The following RTN4IP1 variants were observed in gnomAD, a reference collection of about 807,000 sequenced individuals.
RTN4IP1 encodes the protein NAD(P)H oxidoreductase RTN4IP1, mitochondrial.
In RTN4IP1, 32 loss-of-function variants were observed where a neutral mutation model predicts 46.6. The ratio of observed to expected loss-of-function variants is 0.69; its 90% CI spans 0.52 to 0.92. The LOEUF is 0.92. Ranked by LOEUF, RTN4IP1 falls within the 40% of genes least tolerant of loss-of-function variation. The pLI is 0.00. For missense variants in RTN4IP1, 424 were observed against 485.8 expected, an observed-to-expected ratio of 0.87 and a Z score of 1.20; for synonymous variants, 167 against 161.8, an observed-to-expected ratio of 1.03 and a Z score of -0.24.
At chr6:106,625,661 CTTTTTTTTT>C (rs773454257) in intron 1 of RTN4IP1, among the ~76,000 whole-genome samples, 136 of 112,806 alleles carry the variant, frequency 1.2e-3, no homozygotes, top group African/African-American at 4.2e-3. Context: ...TCTTTTTTTT[CTTTTTTTTT>C]TTTTTTTTTT....
At chr6:106,600,901 T>A (rs531355459) in intron 5 of RTN4IP1, among the ~76,000 whole-genome samples, 1 of 152,268 alleles carries the variant, frequency 6.6e-6, no homozygotes, top group Admixed American at 6.5e-5. Context: ...TATTCATGAA[T>A]AAGATTAGGC....
intron 8 of RTN4IP1, among the ~76,000 whole-genome samples, chr6:106,574,171 G>A (rs1419838230): frequency 6.6e-6 from 1 of 152,146 alleles, no homozygotes; most frequent in African/African-American, 2.4e-5. Flanking sequence ...TCGGCCCAGT[G>A]CAGTGGCTCA....
At chr6:106,572,133 T>TA in intron 8 of RTN4IP1, 30 bp from the exon 9 acceptor site, 1 of 1,520,534 alleles carries the variant, frequency 6.6e-7, no homozygotes, top group Non-Finnish European at 9.1e-7. Flanking sequence ...GACCGGTGGA[T>TA]AAAAAAGCCT....
intron 4 of RTN4IP1, among the ~76,000 whole-genome samples, chr6:106,609,120 C>T (rs926073264): frequency 6.6e-6 from 1 of 152,198 alleles, no homozygotes; most frequent in Non-Finnish European, 1.5e-5. Context: ...CTTAACATAG[C>T]CTGGAACCTG....
chr6:106,621,363 TCA>T (rs1466210682), intron 3 of RTN4IP1, 60 bp downstream of exon 3: 1 of 1,215,718 alleles, frequency 8.2e-7, no homozygotes, highest in Non-Finnish European at 1.2e-6. Flanking sequence ...ACCAGTTATT[TCA>T]GATATTTGCC....
At chr6:106,622,786 C>A in intron 2 of RTN4IP1, 32 bp downstream of exon 2, 3 of 1,591,374 alleles carry the variant, frequency 1.9e-6, no homozygotes, top group African/African-American at 1.3e-5. Context: ...TGGGTTGGAT[C>A]CCCGCAGGAA....
At position 106,581,155 on chromosome 6, in the gene RTN4IP1, A is replaced by G. The variant is rs769074042; in HGVS notation, c.1083+2173T>C. On this transcript the variant is annotated intron_variant, in intron 8 of 8. Transcript: ENST00000369063. ...CAAGCAGAATCTCAGTGACTGAGAT[A>G]TAGCAGTCAAAAGAAGACTTCTTGA... Among the ~76,000 whole-genome samples the G allele has an allele frequency of 4.0e-4, 61 of 152,358 alleles. 1 individual carries two copies. The highest frequency in any genetic ancestry group is 1.5e-4 in the Non-Finnish European group (10 of 68,038).
At chr6:106,622,425 A>G (rs1370711724) in intron 2 of RTN4IP1, among the ~76,000 whole-genome samples, 1 of 152,196 alleles carries the variant, frequency 6.6e-6, no homozygotes, top group South Asian at 2.1e-4. Context: ...AAAGCAGCCT[A>G]ATTCTCTTTA....
chr6:106,621,451 C>CTT lies in RTN4IP1; in HGVS notation c.468_469insAA (p.Glu157LysfsTer5), dbSNP rs1384152007. On this transcript the variant is annotated frameshift_variant, in exon 3 of 9. Coordinates refer to ENST00000369063, the MANE Select transcript of RTN4IP1 (RefSeq NM_032730.5). LOFTEE classifies it high-confidence loss of function. The stretch of plus-strand genomic sequence containing the variant: ...TCATTCCCACTGACTACAACAAACT[C>CTT]TGAAAGAGTGCCTTGTTTCCAAGGA... 3 of 1,614,006 alleles carry CTT rather than the reference C, an allele frequency of 1.9e-6. No homozygotes were observed. Among genetic ancestry groups the CTT allele is most frequent in the Non-Finnish European group, 2.5e-6 (3 of 1,179,928 alleles).
chr6:106,576,261 C>T (rs1309029184), intron 8 of RTN4IP1, among the ~76,000 whole-genome samples: 8 of 152,140 alleles, frequency 5.3e-5, no homozygotes, highest in Admixed American at 5.2e-4. Context: ...AGGGGGATGG[C>T]AGATGGGGGA....
At chr6:106,578,163 T>C (rs1290959510) in intron 8 of RTN4IP1, among the ~76,000 whole-genome samples, 1 of 151,926 alleles carries the variant, frequency 6.6e-6, no homozygotes, top group African/African-American at 2.4e-5. Flanking sequence ...GATGACAGAG[T>C]AAAATACCAA....
chr6:106,579,047 C>T (rs1371736961), intron 8 of RTN4IP1, among the ~76,000 whole-genome samples: 1 of 151,390 alleles, frequency 6.6e-6, no homozygotes, highest in Admixed American at 6.6e-5. Context: ...CCAGCCTGGC[C>T]AACATGGTGA....
At chr6:106,615,408 CA>C (rs146479112) in intron 4 of RTN4IP1, among the ~76,000 whole-genome samples, 5 of 150,530 alleles carry the variant, frequency 3.3e-5, no homozygotes, top group East Asian at 1.9e-4. Flanking sequence ...AACCTAATAT[CA>C]AAAAAAAAGT....
Position 106,580,082 on chromosome 6 carries a change from C to T in RTN4IP1, c.1083+3246G>A, listed in dbSNP as rs533517759. On this transcript the variant is annotated intron_variant, in intron 8 of 8. Coordinates refer to ENST00000369063, the MANE Select transcript of RTN4IP1 (RefSeq NM_032730.5). The stretch of plus-strand genomic sequence containing the variant: ...ACAAAAAATTAGCCGGGCATGGTGG[C>T]GGGCGCCTGTAGTCCCAGCTACTTG... 2.8e-3 allele frequency among the ~76,000 whole-genome samples: 423 copies of T among 151,670 alleles called. 4 individuals are homozygous for T. Among genetic ancestry groups the T allele is most frequent in the African/African-American group, 9.7e-3 (402 of 41,386 alleles).
chr6:106,587,641 G>A (rs1484624667), intron 7 of RTN4IP1, 38 bp downstream of exon 7: 2 of 1,565,874 alleles, frequency 1.3e-6, no homozygotes, highest in East Asian at 2.3e-5. Flanking sequence ...AGCAGCAGGA[G>A]GCTGCCTGCA....
chr6:106,624,097 T>C (rs1776567794), intron 1 of RTN4IP1, among the ~76,000 whole-genome samples: 1 of 152,170 alleles, frequency 6.6e-6, no homozygotes, highest in South Asian at 2.1e-4. Flanking sequence ...CGCTCTGTCA[T>C]GAGGCTGGAG....
At chr6:106,593,315 A>G (rs1775708130) in intron 5 of RTN4IP1, among the ~76,000 whole-genome samples, 2 of 152,206 alleles carry the variant, frequency 1.3e-5, no homozygotes, top group South Asian at 4.1e-4. Context: ...TTAAAAGGAG[A>G]GCTAAATTCT....
At chr6:106,588,522 A>C (rs1034832617) in intron 6 of RTN4IP1, among the ~76,000 whole-genome samples, 2 of 152,248 alleles carry the variant, frequency 1.3e-5, no homozygotes, top group Admixed American at 1.3e-4. Context: ...ATGCCAAAAA[A>C]ATTCAGCCAT....
intron 8 of RTN4IP1, chr6:106,572,468 T>A: frequency 5.2e-6 from 1 of 191,582 alleles, no homozygotes; most frequent in South Asian, 1.2e-4. Context: ...TACCTGCCAT[T>A]TTCTCCACGT....
Sources: allele counts gnomAD v4.1 joint callset (sites outside exome capture counted in the v4.1 genomes callset), GRCh38; gene constraint gnomAD v4.1.1; transcripts MANE v1.5; gene names NCBI Gene and HGNC (gene_info 2026-07-23, HGNC 2026-07-21).